The following NOL10 variants were observed in gnomAD, a reference collection of about 807,000 sequenced individuals.
NOL10 encodes the protein H_NH0074G24.1.
NOL10 carries 58 observed loss-of-function variants against 103.5 expected under a neutral mutation model. The ratio of observed to expected loss-of-function variants is 0.56; its 90% CI spans 0.45 to 0.70. The LOEUF (loss-of-function observed/expected upper bound fraction) is 0.70. Ranked by LOEUF, NOL10 falls within the 30% of genes least tolerant of loss-of-function variation. The pLI is 0.00. For synonymous variants in NOL10, 287 were observed against 282.5 expected, an observed-to-expected ratio of 1.02 and a Z score of -0.16; for missense variants, 763 against 807.3, an observed-to-expected ratio of 0.95 and a Z score of 0.67.
intron 19 of NOL10, among the ~76,000 whole-genome samples, chr2:10,586,663 C>T (rs1447296515): frequency 1.3e-5 from 2 of 152,060 alleles, no homozygotes; most frequent in Non-Finnish European, 2.9e-5. Context: ...GAAGACCAAT[C>T]CCTCCTCTTC....
At chr2:10,602,361 A>G (rs1398031663) in intron 16 of NOL10, among the ~76,000 whole-genome samples, 1 of 152,214 alleles carries the variant, frequency 6.6e-6, no homozygotes, top group Admixed American at 6.5e-5. Context: ...ATGTACTCAG[A>G]CAGAGAGTGC....
intron 12 of NOL10, among the ~76,000 whole-genome samples, chr2:10,653,540 C>T (rs2148303837): frequency 6.6e-6 from 1 of 152,284 alleles, no homozygotes; most frequent in East Asian, 1.9e-4. Flanking sequence ...TCTGACAGCA[C>T]ACGGAGCCCA....
In NOL10 at chr2:10,575,353, T is replaced by C. The variant is rs549635485; in HGVS notation, c.1947+2283A>G. 5.3e-5 allele frequency among the ~76,000 whole-genome samples: 8 copies of C among 152,336 alleles called. No individual in the cohort carries two copies. The South Asian group carries it at 1.2e-3, about 24-fold the overall frequency. Reference sequence around the variant, plus strand: ...AGATTCTACCTGAGCATATCTAACCTGCAGTATAAAAAGAGACTTCTATGA... The same window carrying C: ...AGATTCTACCTGAGCATATCTAACCCGCAGTATAAAAAGAGACTTCTATGA... On this transcript the variant is annotated intron_variant, in intron 20 of 20. Transcript: ENST00000381685.
intron 13 of NOL10, among the ~76,000 whole-genome samples, chr2:10,638,304 TG>T (rs200478870): frequency 0.32 from 40,154 of 125,322 alleles, 6,005 homozygotes; most frequent in Non-Finnish European, 0.36. Flanking sequence ...TAACGTAACG[TG>T]ACGTGACGTG....
chr2:10,600,273 T>C (rs1432654170), intron 17 of NOL10, among the ~76,000 whole-genome samples: 3 of 152,248 alleles, frequency 2.0e-5, no homozygotes, highest in African/African-American at 7.2e-5. Context: ...TAACTTTTAT[T>C]TATCTTATGA....
At chr2:10,576,635 C>A (rs1449914220) in intron 20 of NOL10, among the ~76,000 whole-genome samples, 1 of 152,166 alleles carries the variant, frequency 6.6e-6, no homozygotes, top group Non-Finnish European at 1.5e-5. Context: ...TTGAATGATT[C>A]CATTTGTATG....
intron 17 of NOL10, chr2:10,591,044 G>A (rs1182124086): frequency 6.6e-6 from 1 of 152,194 alleles, no homozygotes; most frequent in Non-Finnish European, 1.5e-5. Flanking sequence ...TTGTGTGACA[G>A]ACCTATACAA....
At chr2:10,682,340 T>C (rs72777341) in intron 2 of NOL10, among the ~76,000 whole-genome samples, 1,791 of 152,112 alleles carry the variant, frequency 0.012, 21 homozygotes, top group Middle Eastern at 0.048. Context: ...AAAAAAATTT[T>C]CCACAACAGT....
intron 4 of NOL10, among the ~76,000 whole-genome samples, chr2:10,675,198 T>A (rs978773583): frequency 6.7e-6 from 1 of 149,010 alleles, no homozygotes; most frequent in Admixed American, 6.9e-5. Flanking sequence ...ACCCTATCTC[T>A]TTAAAAAAGT....
intron 14 of NOL10, among the ~76,000 whole-genome samples, chr2:10,606,258 T>G (rs1188860804): frequency 6.6e-6 from 1 of 151,664 alleles, no homozygotes; most frequent in East Asian, 1.9e-4. Context: ...TTTCCTTATC[T>G]AATGGAATCA....
Position 10,589,136 on chromosome 2 carries a change from T to C in NOL10, c.1751A>G (p.Gln584Arg), listed in dbSNP as rs371638131. ...AAACTGGGGCTTTAGGACTGTCTGC[T>C]GGTCCTCCTTGAGTCGTTCCTGCCG... ...VKRQERLKED[Q>R]QTVLKPQFYE... Residue 584 changes from glutamine (Q) to arginine (R), a missense_variant, in exon 19 of 21, where the codon CAG becomes CGG. Physicochemically the swap from Gln to Arg is conservative, Grantham distance 43. Transcript: ENST00000381685. 3.1e-6 allele frequency: 5 copies of C among 1,613,940 alleles called. No individual in the cohort carries two copies. The highest frequency in any genetic ancestry group is 1.3e-5 in the African/African-American group (1 of 74,944).
chr2:10,617,620 T>C (rs756636611), intron 13 of NOL10, among the ~76,000 whole-genome samples: 4 of 151,894 alleles, frequency 2.6e-5, no homozygotes, highest in East Asian at 1.9e-4. Flanking sequence ...AGGGTCCATA[T>C]GAAGGGAGGG....
intron 13 of NOL10, among the ~76,000 whole-genome samples, chr2:10,621,859 C>T (rs12476937): frequency 0.96 from 146,384 of 152,338 alleles, 70,392 homozygotes; most frequent in African/African-American, 0.98. Flanking sequence ...AAGACCAAAG[C>T]ATGTGGTCTA....
intron 14 of NOL10, 45 bp downstream of exon 14, chr2:10,607,140 G>A: frequency 6.0e-6 from 8 of 1,341,820 alleles, no homozygotes; most frequent in Non-Finnish European, 8.1e-6. Context: ...AAAAAAAGTA[G>A]AAATAAAGTA....
rs2148130784 is a variant in NOL10, at chr2:10,570,869, T to G, written c.*1202A>C. On this transcript the variant is annotated 3_prime_UTR_variant, in exon 21 of 21. Coordinates refer to ENST00000381685, the MANE Select transcript of NOL10 (RefSeq NM_024894.4). ...AAAAAAAAACCTGTAATTAAACTTG[T>G]GCCAAGATTAACCAACAGCCTCTAC... 6.6e-6 allele frequency: 1 copy of G among 152,118 alleles called. No homozygotes were observed. Among genetic ancestry groups the G allele is most frequent in the East Asian group, 1.9e-4 (1 of 5,184 alleles). 9.4% of individuals were successfully genotyped at this position (152,118 alleles called of 1,614,324 possible).
At chr2:10,676,760 C>CCTGAGTA (rs1029244052) in intron 3 of NOL10, among the ~76,000 whole-genome samples, 5 of 151,804 alleles carry the variant, frequency 3.3e-5, no homozygotes, top group African/African-American at 9.7e-5. Flanking sequence ...GCCTCAGCCC[C>CCTGAGTA]CTGAGTAGCT....
chr2:10,607,750 T>TTTATTATTATTATTATTA (rs373298093), intron 13 of NOL10, among the ~76,000 whole-genome samples: 1,866 of 144,738 alleles, frequency 0.013, 31 homozygotes, highest in East Asian at 0.039. Context: ...AAAAACAATA[T>TTTATTATTATTATTATTA]TTATTATTAT....
intron 12 of NOL10, 145 bp downstream of exon 12, chr2:10,654,336 T>G: frequency 1.7e-6 from 1 of 595,548 alleles, no homozygotes; most frequent in South Asian, 2.3e-5. Context: ...CCAAGAATTG[T>G]GCTGACAAAG....
rs908879936 is a variant in NOL10 at position 10,671,548 on chromosome 2, C to A, written c.464+6G>T. 1.9e-6 allele frequency: 3 copies of A among 1,593,642 alleles called. No individual in the cohort carries two copies. The highest frequency in any genetic ancestry group is 2.6e-6 in the Non-Finnish European group (3 of 1,172,166). Reference sequence around the variant, plus strand: ...GAAAAGGAGAAAAAGGGACTGGATCCAATACCTTGCACCAACAAAGTACAA... The same window carrying A: ...GAAAAGGAGAAAAAGGGACTGGATCAAATACCTTGCACCAACAAAGTACAA... On this transcript the variant is annotated splice_donor_region_variant and intron_variant, in intron 6 of 20. Transcript: ENST00000381685.
Sources: gnomAD v4.1 joint callset for allele counts (sites outside exome capture counted in the v4.1 genomes callset) on GRCh38, gnomAD v4.1.1 for gene constraint, MANE v1.5 for transcripts, NCBI Gene and HGNC (gene_info 2026-07-23, HGNC 2026-07-21) for gene names.